LETM1: variants seen among roughly 807,000 people sequenced by gnomAD.
The protein encoded by LETM1 is leucine zipper and EF-hand containing transmembrane protein 1.
LETM1 carries 50 observed loss-of-function variants against 74.5 expected under a neutral mutation model. The observed-to-expected ratio is 0.67, with a 90% confidence interval of 0.53 to 0.85. The LOEUF is 0.85. Ranked by LOEUF, LETM1 falls within the 40% of genes least tolerant of loss-of-function variation. The pLI is 0.00. For synonymous variants in LETM1, 446 were observed against 407.1 expected (o/e 1.10, Z -1.15); for missense variants, 824 against 967.8 (o/e 0.85, Z 1.97).
chr4:1,839,913 A>C (rs527699732), intron 3 of LETM1, among the ~76,000 whole-genome samples: 1 of 151,762 alleles, frequency 6.6e-6, no homozygotes, highest in East Asian at 1.9e-4. Flanking sequence ...CTTGACCTGC[A>C]TCCTTTGCAC....
intron 2 of LETM1, among the ~76,000 whole-genome samples, chr4:1,848,647 C>T (rs1186046555): frequency 4.0e-5 from 5 of 125,838 alleles, no homozygotes; most frequent in African/African-American, 9.2e-5. Flanking sequence ...ACCTGGGAGG[C>T]GGAGGTTGCA....
chr4:1,841,651 G>A lies in LETM1; in HGVS notation c.290C>T (p.Ala97Val), dbSNP rs1328658995. The A allele has an allele frequency of 1.2e-6, 2 of 1,614,228 alleles. No individual in the cohort carries two copies. Among genetic ancestry groups the A allele is most frequent in the East Asian group, 4.5e-5 (2 of 44,886 alleles). Residue 97 changes from alanine (A) to valine (V), a missense_variant, in exon 3 of 14, where the codon GCT (alanine) becomes GTT (valine). Ala to Val is a moderately conservative substitution (Grantham distance 64, BLOSUM62 0). This residue lies in a region of LETM1 where 222 missense variants were observed against 195.6 expected (regional missense o/e 1.14). Coordinates refer to ENST00000302787, the MANE Select transcript of LETM1 (RefSeq NM_012318.3). ...CACAGGAAGGCACTGAGGTCCCACA[G>A]CCACAAAACCCACAGAGGTAGAGGT... ...PWTSTSVGFVAVGPQCLPVRG... is the reference protein window; with the variant it reads ...PWTSTSVGFVVVGPQCLPVRG...
chr4:1,838,660 G>A (rs1712573334), intron 3 of LETM1, among the ~76,000 whole-genome samples: 1 of 152,128 alleles, frequency 6.6e-6, no homozygotes, highest in African/African-American at 2.4e-5. Context: ...CCTGGGTGGG[G>A]GAGCGAGAAC....
In LETM1 at chr4:1,812,421, A is replaced by G. The variant is rs1282524470; in HGVS notation, c.*2003T>C. ...TGCTTAGCTGGAGTGAGGAGGAAAC[A>G]CTGAATTCCTAAATCAGGAATTCGT... On this transcript the variant is annotated 3_prime_UTR_variant, in exon 14 of 14. Coordinates refer to ENST00000302787, the MANE Select transcript of LETM1 (RefSeq NM_012318.3). The G allele has an allele frequency of 6.6e-6, 1 of 150,610 alleles. No homozygotes were observed. The highest frequency in any genetic ancestry group is 2.4e-5 in the African/African-American group (1 of 40,894). The allele number at this position is 150,610 out of a possible 1,614,324, so 9.3% of individuals were successfully genotyped here.
intron 1 of LETM1, among the ~76,000 whole-genome samples, chr4:1,851,618 A>G (rs1472151636): frequency 6.6e-6 from 1 of 152,246 alleles, no homozygotes; most frequent in Non-Finnish European, 1.5e-5. Context: ...TTCAAAGCAC[A>G]GCACACGTGA....
intron 10 of LETM1, among the ~76,000 whole-genome samples, chr4:1,821,068 A>T (rs1397627662): frequency 6.6e-6 from 1 of 151,854 alleles, no homozygotes; most frequent in Non-Finnish European, 1.5e-5. Flanking sequence ...GACAAATCCC[A>T]TGTGATCATG....
At position 1,811,907 on chromosome 4, in the gene LETM1, A is replaced by G. The variant is rs552787225; in HGVS notation, c.*2517T>C. The G allele has an allele frequency of 1.3e-5, 2 of 152,180 alleles. 1 individual carries two copies. The highest frequency in any genetic ancestry group is 1.3e-4 in the Admixed American group (2 of 15,284). 9.4% of individuals were successfully genotyped at this position (152,180 alleles called of 1,614,324 possible). ...GGAGTTGAAGACCAGCCTGACCAAC[A>G]TGATGAAACCCCATCTCTAATAAAA... On this transcript the variant is annotated 3_prime_UTR_variant, in exon 14 of 14. Transcript: ENST00000302787.
chr4:1,855,892 G>A lies in LETM1; in HGVS notation c.59C>T (p.Pro20Leu). 1.6e-6 allele frequency: 2 copies of A among 1,239,446 alleles called. No homozygotes were observed. The highest frequency in any genetic ancestry group is 3.4e-5 in the South Asian group (1 of 29,596). The allele number at this position is 1,239,446 out of a possible 1,614,324, so 76.8% of individuals were successfully genotyped here. ...RGRAPARLPP[P>L]PRYTVPRGSP... ...ACCCCGCGGGACGGTGTACCGAGGC[G>A]GCGGCGGGAGGCGGGCGGGCGCCCG... The change falls in exon 1 of 14, where the codon CCG becomes CTG. Residue 20 changes from proline (P) to leucine (L), a missense_variant. By Grantham distance (98) the Pro-to-Leu change is moderately conservative. Coordinates refer to ENST00000302787, the MANE Select transcript of LETM1 (RefSeq NM_012318.3).
chr4:1,847,992 C>G (rs1712940836), intron 2 of LETM1, among the ~76,000 whole-genome samples: 1 of 149,304 alleles, frequency 6.7e-6, no homozygotes, highest in African/African-American at 2.5e-5. Flanking sequence ...GAGACTCTGT[C>G]TCAAAAAAAA....
At chr4:1,855,771 C>T in intron 1 of LETM1, 98 bp downstream of exon 1, 3 of 733,198 alleles carry the variant, frequency 4.1e-6, no homozygotes, top group Non-Finnish European at 5.5e-6. Context: ...CACCGGGCTC[C>T]CCGCATCGCC....
chr4:1,816,259 C>G (rs557462178), intron 12 of LETM1, among the ~76,000 whole-genome samples: 1 of 152,346 alleles, frequency 6.6e-6, no homozygotes, highest in South Asian at 2.1e-4. Flanking sequence ...CTGCAGGGCA[C>G]CAGCAGTCAC....
intron 1 of LETM1, among the ~76,000 whole-genome samples, chr4:1,853,400 G>A (rs1447412545): frequency 6.6e-6 from 1 of 152,246 alleles, no homozygotes; most frequent in Non-Finnish European, 1.5e-5. Context: ...AACATCAACA[G>A]TGACAAATCA....
chr4:1,832,972 TC>T, intron 5 of LETM1, 25 bp from the exon 6 acceptor site: 7 of 1,609,334 alleles, frequency 4.3e-6, no homozygotes, highest in Non-Finnish European at 4.2e-6. Context: ...ACAAGGGTCA[TC>T]CCCGGGACAC....
chr4:1,821,348 T>C (rs1437446335), intron 10 of LETM1, among the ~76,000 whole-genome samples: 1 of 151,202 alleles, frequency 6.6e-6, no homozygotes, highest in African/African-American at 2.4e-5. Flanking sequence ...CACCTCGGCC[T>C]CCCAAAATGC....
intron 6 of LETM1, among the ~76,000 whole-genome samples, chr4:1,828,238 C>CA (rs1712085094): frequency 7.3e-6 from 1 of 137,182 alleles, no homozygotes; most frequent in Non-Finnish European, 1.6e-5. Context: ...GACCGCCCCC[C>CA]ACCTCCCTCC....
In LETM1 at chr4:1,834,729, T is replaced by G. The variant is rs1454772405; in HGVS notation, c.876+116A>C. 2.6e-6 allele frequency: 4 copies of G among 1,524,482 alleles called. No individual in the cohort carries two copies. Among genetic ancestry groups the G allele is most frequent in the Non-Finnish European group, 3.5e-6 (4 of 1,136,562 alleles). 94.4% of individuals were successfully genotyped at this position (1,524,482 alleles called of 1,614,324 possible). A position where few individuals can be genotyped will look rare whatever the true frequency, so the allele number is the denominator to read the frequency against. On this transcript the variant is annotated intron_variant, in intron 5 of 13. Transcript: ENST00000302787. The surrounding 1 kb of genome is among the most constrained non-coding windows in gnomAD (Gnocchi z 5.0). ...CCGACTGAGCCTCCTGGGTAAACTT[T>G]CAAGCGCCAGCCAGCACCTGGGGGA... is the stretch of plus-strand genomic sequence containing the variant.
intron 1 of LETM1, among the ~76,000 whole-genome samples, chr4:1,851,505 A>G (rs1190603246): frequency 1.3e-5 from 2 of 152,204 alleles, no homozygotes; most frequent in Non-Finnish European, 2.9e-5. Context: ...ACTACGTGCC[A>G]CATTTAGGGC....
rs528136635 is a variant in LETM1, at chr4:1,836,212, T to G, written c.738+217A>C. ...CAGCCTGGGTGACAGAGCGAGACCCTGTTTCAAAAATAAATAAATAAATAA... is the reference window on the plus strand; with the variant it reads ...CAGCCTGGGTGACAGAGCGAGACCCGGTTTCAAAAATAAATAAATAAATAA... On this transcript the variant is annotated intron_variant, in intron 4 of 13. Transcript: ENST00000302787. This position sits in a 1 kb window ranked among gnomAD's most constrained non-coding sequence, Gnocchi z 5.8. 2.6e-4 allele frequency among the ~76,000 whole-genome samples: 40 copies of G among 152,248 alleles called. No individual in the cohort carries two copies. The highest frequency in any genetic ancestry group is 9.6e-4 in the African/African-American group (40 of 41,534).
At chr4:1,842,933 G>A (rs1430958322) in intron 2 of LETM1, 1 of 280,298 alleles carries the variant, frequency 3.6e-6, no homozygotes, top group South Asian at 3.0e-5. Context: ...ACGATCTCCT[G>A]CGTGTCTTGC....
Sources: allele counts gnomAD v4.1 joint callset (sites outside exome capture counted in the v4.1 genomes callset), GRCh38; gene constraint gnomAD v4.1.1; regional missense constraint gnomAD v4.1.1; non-coding constraint Gnocchi (gnomAD v3.1); transcripts MANE v1.5; gene names NCBI Gene and HGNC (gene_info 2026-07-23, HGNC 2026-07-21).